Variants in ATRN observed in about 807,000 individuals in gnomAD.
ATRN encodes attractin-2.
In ATRN, 54 loss-of-function variants were observed where a neutral mutation model predicts 178.7. That is an observed-to-expected ratio of 0.30 (90% confidence interval 0.24 to 0.38). The LOEUF (loss-of-function observed/expected upper bound fraction) is 0.38, where lower values mean the gene tolerates loss of function less well. Ranked by LOEUF, ATRN falls within the 10% of genes least tolerant of loss-of-function variation. The pLI is 1.00. For synonymous variants in ATRN, 636 were observed against 663.0 expected (o/e 0.96, Z 0.63); for missense variants, 1,443 against 1,815.1 (o/e 0.79, Z 3.73).
In ATRN at chr20:3,560,921, C is replaced by T. The variant is rs763359914; in HGVS notation, c.1447+16C>T. The T allele has an allele frequency of 4.3e-6, 7 of 1,610,484 alleles. No homozygotes were observed. Among genetic ancestry groups the T allele is most frequent in the Non-Finnish European group, 5.9e-6 (7 of 1,177,248 alleles). On this transcript the variant is annotated intron_variant, in intron 8 of 28. Transcript: ENST00000262919. The stretch of plus-strand genomic sequence containing the variant: ...TATGATTTGGGTAGGTATATTTTTT[C>T]CAGTAGATGCCTTTTGAACATCAGA...
rs373042007 is a variant in ATRN at position 3,547,253 on chromosome 20, G to T, written c.738-31G>T. Reference sequence around the variant, plus strand: ...TAAGTTAATGGAAGCGTTGCGTTGTGTTAATGTAATTTTCCCTGCTATTTT... The same window carrying T: ...TAAGTTAATGGAAGCGTTGCGTTGTTTTAATGTAATTTTCCCTGCTATTTT... On this transcript the variant is annotated intron_variant, in intron 4 of 28. Transcript: ENST00000262919. The T allele has an allele frequency of 8.5e-6, 13 of 1,532,700 alleles. No homozygotes were observed. The South Asian group carries it at 1.1e-4, about 13-fold the overall frequency. The allele number at this position is 1,532,700 out of a possible 1,614,324, so 94.9% of individuals were successfully genotyped here. A position where few individuals can be genotyped will look rare whatever the true frequency, so the allele number is the denominator to read the frequency against.
chr20:3,479,606 G>T (rs1431635643), intron 1 of ATRN, among the ~76,000 whole-genome samples: 1 of 152,134 alleles, frequency 6.6e-6, no homozygotes, highest in Non-Finnish European at 1.5e-5. Flanking sequence ...ATTTCCAAGG[G>T]CTGTTACAGT....
chr20:3,572,776 C>T lies in ATRN; in HGVS notation c.1917C>T (p.Asp639=), dbSNP rs1476018900. 6.2e-7 allele frequency: 1 copy of T among 1,614,026 alleles called. No individual in the cohort carries two copies. The highest frequency in any genetic ancestry group is 8.5e-7 in the Non-Finnish European group (1 of 1,180,028). ...GTTTCAATAGTCTCCTCCTCAGCGA[C>T]ATCCTGGTATTCACCTCGGAACAGT... ...FGGFNSLLLS[D]ILVFTSEQCD... The change falls in exon 12 of 29, where the codon GAC becomes GAT. Residue 639 remains aspartate (D), a synonymous_variant. Transcript: ENST00000262919.
rs1316690326 is a variant in ATRN at position 3,638,287 on chromosome 20, C to T, written c.3943-541C>T. The stretch of plus-strand genomic sequence containing the variant: ...TCCTAATGCTCTCCCTCCCCTTGCT[C>T]CCCACCCCTGACAGGCCCCAGTGTG... On this transcript the variant is annotated intron_variant, in intron 26 of 28. Transcript: ENST00000262919. The surrounding 1 kb of genome is among the most constrained non-coding windows in gnomAD (Gnocchi z 4.5). Among the ~76,000 whole-genome samples, 1 of 152,022 alleles carries T rather than the reference C, an allele frequency of 6.6e-6. No individual in the cohort carries two copies. The highest frequency in any genetic ancestry group is 1.9e-4 in the East Asian group (1 of 5,180).
At chr20:3,556,250 C>A (rs1237601013) in intron 6 of ATRN, among the ~76,000 whole-genome samples, 2 of 152,176 alleles carry the variant, frequency 1.3e-5, no homozygotes, top group African/African-American at 4.8e-5. Context: ...TGAAACAGCA[C>A]AAGGTGTTTC....
At chr20:3,523,682 C>T (rs867675213) in intron 1 of ATRN, among the ~76,000 whole-genome samples, 1 of 152,114 alleles carries the variant, frequency 6.6e-6, no homozygotes, top group Non-Finnish European at 1.5e-5. Flanking sequence ...ACTGAGTTAC[C>T]CTCAAAGGGT....
Position 3,545,780 on chromosome 20 carries a change from G to C in ATRN, c.627G>C (p.Glu209Asp). Residue 209 changes from glutamate to aspartate, a missense_variant, in exon 4 of 29, where the codon GAG becomes GAC. Around this residue, in one of 4 missense-constraint regions of ATRN, gnomAD observed 862 missense variants for 972.1 expected, o/e 0.89. Coordinates refer to ENST00000262919, the MANE Select transcript of ATRN (RefSeq NM_139321.3). Reference protein sequence around the residue: ...VAAFSGLIVPERDGNETVPEV... With the variant: ...VAAFSGLIVPDRDGNETVPEV... ...ATTTCAGTGGCCTCATTGTTCCTGA[G>C]AGAGATGGCAATGAGACTGTCCCTG... 1 of 1,614,036 alleles carries C rather than the reference G, an allele frequency of 6.2e-7. No individual in the cohort carries two copies. The highest frequency in any genetic ancestry group is 8.5e-7 in the Non-Finnish European group (1 of 1,179,956).
chr20:3,507,521 G>GA (rs1381913745), intron 1 of ATRN, among the ~76,000 whole-genome samples: 1 of 151,758 alleles, frequency 6.6e-6, no homozygotes, highest in Non-Finnish European at 1.5e-5. Context: ...TCCAAAAGGA[G>GA]AAAAAAAGAG....
At chr20:3,570,394 A>G (rs2086103188) in intron 11 of ATRN, among the ~76,000 whole-genome samples, 1 of 152,192 alleles carries the variant, frequency 6.6e-6, no homozygotes, top group South Asian at 2.1e-4. Flanking sequence ...TAACTTGATC[A>G]GATTCACTTC....
chr20:3,628,466 T>G (rs181527504), intron 25 of ATRN, among the ~76,000 whole-genome samples: 172 of 152,226 alleles, frequency 1.1e-3, no homozygotes, highest in African/African-American at 3.9e-3. Context: ...AATAAACAAT[T>G]TATAAGTCTT....
At chr20:3,515,241 G>C (rs531971916) in intron 1 of ATRN, among the ~76,000 whole-genome samples, 3 of 150,826 alleles carry the variant, frequency 2.0e-5, no homozygotes, top group Non-Finnish European at 3.0e-5. Flanking sequence ...TTTTTACTTG[G>C]AATAATCAGG....
At chr20:3,529,087 T>G (rs2085414267) in intron 1 of ATRN, among the ~76,000 whole-genome samples, 1 of 152,168 alleles carries the variant, frequency 6.6e-6, no homozygotes, top group Non-Finnish European at 1.5e-5. Flanking sequence ...GTGCTGAGAT[T>G]ATAGACATAA....
chr20:3,540,531 G>T (rs1245238039), intron 3 of ATRN, among the ~76,000 whole-genome samples, 196 bp downstream of exon 3: 1 of 152,104 alleles, frequency 6.6e-6, no homozygotes, highest in Non-Finnish European at 1.5e-5. Flanking sequence ...AAGTTTCTAG[G>T]CATAGTACTT....
chr20:3,643,471 G>T (rs528336348), intron 27 of ATRN, among the ~76,000 whole-genome samples: 19 of 151,674 alleles, frequency 1.3e-4, no homozygotes, highest in African/African-American at 4.6e-4. Context: ...TTCAAGACCT[G>T]CCTGGACAAC....
chr20:3,590,411 A>T (rs1317155168), intron 18 of ATRN, among the ~76,000 whole-genome samples: 1 of 152,156 alleles, frequency 6.6e-6, no homozygotes, highest in African/African-American at 2.4e-5. Context: ...GCACTATGTA[A>T]ATGTTTCCCC....
At chr20:3,544,829 T>TG (rs2085675535) in intron 3 of ATRN, among the ~76,000 whole-genome samples, 1 of 150,658 alleles carries the variant, frequency 6.6e-6, no homozygotes, top group African/African-American at 2.4e-5. Context: ...CAGTAAGGTT[T>TG]TTTTTTTTTT....
At chr20:3,474,972 C>T (rs2084501866) in intron 1 of ATRN, among the ~76,000 whole-genome samples, 1 of 141,072 alleles carries the variant, frequency 7.1e-6, no homozygotes, top group Admixed American at 7.8e-5. Context: ...GCGGAGGTTG[C>T]AGAGAGCCGA....
At chr20:3,625,940 G>C (rs767318038) in intron 25 of ATRN, among the ~76,000 whole-genome samples, 1 of 152,076 alleles carries the variant, frequency 6.6e-6, no homozygotes, top group Non-Finnish European at 1.5e-5. Context: ...CAATTTGATT[G>C]AATTTCTGGG....
chr20:3,555,239 G>A (rs1401270382), intron 6 of ATRN, among the ~76,000 whole-genome samples: 2 of 151,740 alleles, frequency 1.3e-5, no homozygotes, highest in African/African-American at 2.4e-5. Flanking sequence ...TCCTGACCTC[G>A]TGATCCACCC....
Sources: gnomAD v4.1 joint callset for allele counts (sites outside exome capture counted in the v4.1 genomes callset) on GRCh38, gnomAD v4.1.1 for gene constraint, gnomAD v4.1.1 regional missense constraint, Gnocchi (gnomAD v3.1) non-coding constraint, MANE v1.5 for transcripts, NCBI Gene and HGNC (gene_info 2026-07-23, HGNC 2026-07-21) for gene names.